Variants in ARHGAP24 observed in about 807,000 individuals in gnomAD.
ARHGAP24 encodes the protein rho GTPase-activating protein 24.
In ARHGAP24, 50 loss-of-function variants were observed where a neutral mutation model predicts 76.4. The observed-to-expected ratio is 0.65, with a 90% CI of 0.52 to 0.83. The LOEUF (loss-of-function observed/expected upper bound fraction) is 0.83. Ranked by LOEUF, ARHGAP24 falls within the 40% of genes least tolerant of loss-of-function variation. The pLI is 0.00. For synonymous variants in ARHGAP24, 345 were observed against 323.3 expected (o/e 1.07, Z -0.72); for missense variants, 930 against 914.2 (o/e 1.02, Z -0.22).
chr4:85,512,152 C>T (rs563665229), intron 1 of ARHGAP24, among the ~76,000 whole-genome samples: 53 of 152,338 alleles, frequency 3.5e-4, no homozygotes, highest in African/African-American at 1.1e-3. Context: ...CAACCCATGT[C>T]CCATTCTGAG....
chr4:85,744,117 A>C (rs955247251), intron 3 of ARHGAP24, among the ~76,000 whole-genome samples: 2 of 152,232 alleles, frequency 1.3e-5, no homozygotes, highest in Admixed American at 1.3e-4. Flanking sequence ...CAGTGGTTCC[A>C]GTGTGTTTGT....
intron 2 of ARHGAP24, among the ~76,000 whole-genome samples, chr4:85,683,109 T>TGGGGGGGGGGGGGGG (rs1205882687): frequency 5.7e-5 from 1 of 17,482 alleles, no homozygotes; most frequent in Admixed American, 6.6e-4. Flanking sequence ...TCTCAGTGTG[T>TGGGGGGGGGGGGGGG]GGGGGGGTGG....
At chr4:85,610,482 A>AG (rs1720345742) in intron 2 of ARHGAP24, among the ~76,000 whole-genome samples, 7 of 109,296 alleles carry the variant, frequency 6.4e-5, no homozygotes, top group Non-Finnish European at 1.2e-4. Flanking sequence ...AAAAAAAAAA[A>AG]GAAAGCACCC....
intron 3 of ARHGAP24, among the ~76,000 whole-genome samples, chr4:85,857,905 T>C (rs1203064066): frequency 6.6e-6 from 1 of 152,212 alleles, no homozygotes; most frequent in Non-Finnish European, 1.5e-5. Flanking sequence ...TCTGAAGCTC[T>C]GAAGGTTTCT....
At chr4:85,582,075 C>T (rs1727637707) in intron 2 of ARHGAP24, among the ~76,000 whole-genome samples, 1 of 152,078 alleles carries the variant, frequency 6.6e-6, no homozygotes, top group African/African-American at 2.4e-5. Context: ...TGAGCTAATA[C>T]TTTGTTTCCC....
chr4:85,547,260 TGA>T (rs1402850710), intron 1 of ARHGAP24, among the ~76,000 whole-genome samples: 1 of 152,174 alleles, frequency 6.6e-6, no homozygotes, highest in Non-Finnish European at 1.5e-5. Flanking sequence ...TTCTTGACCT[TGA>T]GAGTTTTGAA....
chr4:85,485,738 G>GTTT (rs1297372157), intron 1 of ARHGAP24, among the ~76,000 whole-genome samples: 3 of 138,260 alleles, frequency 2.2e-5, no homozygotes, highest in Non-Finnish European at 3.2e-5. Flanking sequence ...CTTTTGAACA[G>GTTT]TTTTTTTTTT....
intron 2 of ARHGAP24, among the ~76,000 whole-genome samples, chr4:85,586,947 C>T (rs945983475): frequency 6.6e-6 from 1 of 152,174 alleles, no homozygotes; most frequent in Non-Finnish European, 1.5e-5. Flanking sequence ...TTGCTTAATT[C>T]ACATAATACC....
intron 1 of ARHGAP24, among the ~76,000 whole-genome samples, chr4:85,511,071 T>C (rs1043866821): frequency 1.1e-4 from 16 of 152,188 alleles, no homozygotes; most frequent in African/African-American, 3.9e-4. Flanking sequence ...TTTTTGAAAA[T>C]GAAAATTGCT....
intron 4 of ARHGAP24, among the ~76,000 whole-genome samples, chr4:85,929,890 G>A (rs1323661701): frequency 6.6e-6 from 1 of 152,212 alleles, no homozygotes; most frequent in East Asian, 1.9e-4. Flanking sequence ...CCCCCTGGGG[G>A]TTGGTTTGGT....
At chr4:85,648,190 G>A (rs539948551) in intron 2 of ARHGAP24, among the ~76,000 whole-genome samples, 2 of 152,160 alleles carry the variant, frequency 1.3e-5, no homozygotes, top group Admixed American at 6.6e-5. Context: ...CTGATCCTAC[G>A]CCAGATCGGA....
At chr4:85,743,965 T>C (rs1725930768) in intron 3 of ARHGAP24, among the ~76,000 whole-genome samples, 2 of 152,194 alleles carry the variant, frequency 1.3e-5, no homozygotes, top group African/African-American at 4.8e-5. Context: ...AGTTCTCAAA[T>C]CCCAAGATTT....
chr4:85,907,937 G>A (rs570278167), intron 3 of ARHGAP24, among the ~76,000 whole-genome samples: 6 of 152,140 alleles, frequency 3.9e-5, no homozygotes, highest in South Asian at 2.1e-4. Flanking sequence ...AATAAGGCTC[G>A]GAAAAAAGGG....
chr4:85,693,304 G>A (rs1256574713), intron 2 of ARHGAP24, among the ~76,000 whole-genome samples: 1 of 152,136 alleles, frequency 6.6e-6, no homozygotes, highest in Admixed American at 6.5e-5. Flanking sequence ...TTTGTTAGGT[G>A]TTCTGGGATG....
At chr4:85,740,246 G>A (rs343852) in intron 3 of ARHGAP24, among the ~76,000 whole-genome samples, 1 of 148,942 alleles carries the variant, frequency 6.7e-6, no homozygotes, top group Non-Finnish European at 1.5e-5. Context: ...TTTAGACGGA[G>A]TGTTCCTCTG....
At chr4:85,845,669 C>A (rs1730844827) in intron 3 of ARHGAP24, among the ~76,000 whole-genome samples, 1 of 152,040 alleles carries the variant, frequency 6.6e-6, no homozygotes, top group Admixed American at 6.6e-5. Context: ...CAGAAGTAAT[C>A]AACACAACTG....
At chr4:85,895,712 T>C (rs1218430934) in intron 3 of ARHGAP24, among the ~76,000 whole-genome samples, 1 of 152,196 alleles carries the variant, frequency 6.6e-6, no homozygotes, top group Non-Finnish European at 1.5e-5. Flanking sequence ...GGCACAAATA[T>C]CTAGTGTATG....
At chr4:85,835,336 G>T (rs1256212888) in intron 3 of ARHGAP24, among the ~76,000 whole-genome samples, 1 of 151,834 alleles carries the variant, frequency 6.6e-6, no homozygotes, top group Non-Finnish European at 1.5e-5. Flanking sequence ...GAGGCGGGCG[G>T]ATCACGAGGT....
intron 5 of ARHGAP24, among the ~76,000 whole-genome samples, chr4:85,967,789 G>A (rs1738716051): frequency 6.6e-6 from 1 of 152,076 alleles, no homozygotes. Context: ...ACTTCTACCT[G>A]TTAAAAGACA....
Sources: gnomAD v4.1 joint callset for allele counts (sites outside exome capture counted in the v4.1 genomes callset) on GRCh38, gnomAD v4.1.1 for gene constraint, MANE v1.5 for transcripts, NCBI Gene and HGNC (gene_info 2026-07-23, HGNC 2026-07-21) for gene names.